The following RALY variants were observed in gnomAD, a reference collection of about 807,000 sequenced individuals.
RALY encodes the protein RALY heterogeneous nuclear ribonucleoprotein.
A neutral mutation model predicts 30.7 loss-of-function variants in RALY; 15 were observed. The observed-to-expected ratio is 0.49, with a 90% CI of 0.33 to 0.75. The LOEUF (loss-of-function observed/expected upper bound fraction) is 0.75, where lower values mean the gene tolerates loss of function less well. RALY is among the 30% of genes least tolerant of loss of function. The pLI, the probability that RALY is intolerant of heterozygous loss-of-function variation, is 0.02. For synonymous variants in RALY, 177 were observed against 170.8 expected (o/e 1.04, Z -0.28); for missense variants, 339 against 414.3 (o/e 0.82, Z 1.58).
At chr20:33,996,913 A>G (rs2030659266) in intron 1 of RALY, among the ~76,000 whole-genome samples, 1 of 152,094 alleles carries the variant, frequency 6.6e-6, no homozygotes, top group African/African-American at 2.4e-5. Context: ...TGGCACACTT[A>G]GTGTCTTCTT....
rs902942989 is a variant in RALY, at chr20:34,080,041, A to G, written c.*136A>G. 4.6e-5 allele frequency: 7 copies of G among 152,356 alleles called. No homozygotes were observed. The highest frequency in any genetic ancestry group is 9.7e-5 in the African/African-American group (4 of 41,368). The allele number at this position is 152,356 out of a possible 1,614,324, so 9.4% of individuals were successfully genotyped here. ...CTGGCAGCAGGCGCCTCCTCCCCCA[A>G]CGCATCCCAGCCAGTGCCATGTCCT... On this transcript the variant is annotated 3_prime_UTR_variant, in exon 10 of 10. Coordinates refer to ENST00000246194, the MANE Select transcript of RALY (RefSeq NM_016732.3).
At chr20:34,077,660 G>C (rs899230694) in intron 8 of RALY, 1 of 291,990 alleles carries the variant, frequency 3.4e-6, no homozygotes, top group African/African-American at 2.3e-5. Context: ...GTCTCATAAG[G>C]GGGTGAGCTC....
intron 2 of RALY, among the ~76,000 whole-genome samples, chr20:34,034,719 C>G (rs952645035): frequency 2.0e-5 from 3 of 151,962 alleles, no homozygotes; most frequent in African/African-American, 7.3e-5. Flanking sequence ...GTTGTTGTAA[C>G]AAGTTTAGCA....
intron 1 of RALY, among the ~76,000 whole-genome samples, chr20:34,029,049 A>G (rs2032162141): frequency 6.6e-6 from 1 of 152,174 alleles, no homozygotes; most frequent in South Asian, 2.1e-4. Flanking sequence ...AGGGGAGACT[A>G]GTGAAACAGA....
At chr20:34,042,663 C>G (rs1486409029) in intron 2 of RALY, among the ~76,000 whole-genome samples, 2 of 152,134 alleles carry the variant, frequency 1.3e-5, no homozygotes, top group African/African-American at 4.8e-5. Context: ...GCTGAGAAAT[C>G]AGATTTAGAT....
intron 2 of RALY, 103 bp from the exon 3 acceptor site, chr20:34,071,963 G>A (rs2033739682): frequency 2.3e-6 from 3 of 1,321,384 alleles, no homozygotes; most frequent in Admixed American, 4.4e-5. Context: ...TGCTATAAGG[G>A]TTAAGGAAGG....
At chr20:34,068,128 A>G (rs1027611560) in intron 2 of RALY, among the ~76,000 whole-genome samples, 2 of 152,060 alleles carry the variant, frequency 1.3e-5, no homozygotes, top group African/African-American at 4.8e-5. Context: ...TCCCCCAGCC[A>G]CCAAGAACAA....
rs2122315058 is a variant in RALY at position 34,075,985 on chromosome 20, T to C, written c.489T>C (p.Pro163=). The C allele has an allele frequency of 2.5e-6, 4 of 1,614,210 alleles. No individual in the cohort carries two copies. Among genetic ancestry groups the C allele is most frequent in the Non-Finnish European group, 3.4e-6 (4 of 1,180,024 alleles). The change falls in exon 6 of 10, where the codon CCT becomes CCC. Residue 163 remains proline (P), a synonymous_variant. Transcript: ENST00000246194. The part of the protein sequence containing the change: ...PLVRRVKTNV[P]VKLFARSTAV... Reference sequence around the variant, plus strand: ...TCCGGCGTGTCAAAACTAACGTACCTGTCAAGCTCTTTGCCCGCTCCACAG... The same window carrying C: ...TCCGGCGTGTCAAAACTAACGTACCCGTCAAGCTCTTTGCCCGCTCCACAG...
intron 3 of RALY, 98 bp downstream of exon 3, chr20:34,072,428 A>G: frequency 1.4e-6 from 2 of 1,391,208 alleles, no homozygotes. Flanking sequence ...CACCGCTACC[A>G]CTGCTCTGAG....
intron 1 of RALY, among the ~76,000 whole-genome samples, chr20:34,015,927 A>G (rs1601416156): frequency 6.6e-6 from 1 of 151,990 alleles, no homozygotes; most frequent in Non-Finnish European, 1.5e-5. Flanking sequence ...CTTTCAAGCC[A>G]TCTATTCCTC....
chr20:34,066,952 A>C (rs150153423), intron 2 of RALY, among the ~76,000 whole-genome samples: 1 of 152,306 alleles, frequency 6.6e-6, no homozygotes, highest in Non-Finnish European at 1.5e-5. Flanking sequence ...TGGCTGACTC[A>C]AGGTAACATA....
Position 34,084,504 on chromosome 20 carries a change from C to G in RALY, c.*4599C>G, listed in dbSNP as rs1454592150. The G allele has an allele frequency of 6.6e-6, 1 of 152,262 alleles. No homozygotes were observed. The highest frequency in any genetic ancestry group is 1.5e-5 in the Non-Finnish European group (1 of 68,058). 9.4% of individuals were successfully genotyped at this position (152,262 alleles called of 1,614,324 possible). A position where few individuals can be genotyped will look rare whatever the true frequency, so the allele number is the denominator to read the frequency against. On this transcript the variant is annotated 3_prime_UTR_variant, in exon 10 of 10. Transcript: ENST00000246194. ...AGATTTTGTAGATGAGGTTTAAAAG[C>G]ATGGCCCCAAGTAAAGGTGGCATCT...
intron 8 of RALY, among the ~76,000 whole-genome samples, chr20:34,078,115 G>A (rs905791800): frequency 2.6e-5 from 4 of 152,224 alleles, no homozygotes; most frequent in Admixed American, 6.5e-5. Flanking sequence ...TCCTTTGAGC[G>A]TAGCCTGATC....
chr20:34,009,553 T>C (rs1027528798), intron 1 of RALY, among the ~76,000 whole-genome samples: 2 of 152,100 alleles, frequency 1.3e-5, no homozygotes, highest in Admixed American at 1.3e-4. Flanking sequence ...AGGGTTGTTA[T>C]ATTGTGACTC....
At chr20:34,025,300 T>C (rs2031976814) in intron 1 of RALY, among the ~76,000 whole-genome samples, 2 of 70,476 alleles carry the variant, frequency 2.8e-5, no homozygotes. Context: ...CACGTCTCTC[T>C]CTCTCTCTCT....
chr20:34,022,053 C>G (rs1243660521), intron 1 of RALY, among the ~76,000 whole-genome samples: 1 of 151,052 alleles, frequency 6.6e-6, no homozygotes, highest in African/African-American at 2.4e-5. Flanking sequence ...CCACCACACT[C>G]AGCCTTCTCT....
At chr20:34,027,724 A>C (rs1259573787) in intron 1 of RALY, among the ~76,000 whole-genome samples, 1 of 152,190 alleles carries the variant, frequency 6.6e-6, no homozygotes, top group Non-Finnish European at 1.5e-5. Flanking sequence ...AGTATCAGGA[A>C]ATATTTTTTG....
intron 2 of RALY, among the ~76,000 whole-genome samples, chr20:34,053,383 A>ATTTTTTTTTTTTTTTTTTTTTTTTTTTT (rs60912814): frequency 3.7e-5 from 2 of 54,098 alleles, no homozygotes; most frequent in Non-Finnish European, 3.2e-5. Context: ...ATGTTCAATA[A>ATTTTTTTTTTTTTTTTTTTTTTTTTTTT]TTTTTTTTTT....
chr20:34,023,190 T>C (rs2031894377), intron 1 of RALY, among the ~76,000 whole-genome samples: 1 of 152,262 alleles, frequency 6.6e-6, no homozygotes. Context: ...CTCATTTATC[T>C]TCACTATTCT....
Sources: allele counts gnomAD v4.1 joint callset (sites outside exome capture counted in the v4.1 genomes callset), GRCh38; gene constraint gnomAD v4.1.1; transcripts MANE v1.5; gene names NCBI Gene and HGNC (gene_info 2026-07-23, HGNC 2026-07-21).